TACC1: variants seen among roughly 807,000 people sequenced by gnomAD.
The protein encoded by TACC1 is transforming acidic coiled-coil-containing protein 1.
A neutral mutation model predicts 84.4 loss-of-function variants in TACC1; 48 were observed. The ratio of observed to expected loss-of-function variants is 0.57; its 90% CI spans 0.45 to 0.72. TACC1 has a LOEUF of 0.72. Among genes scored for constraint, TACC1 ranks in the 30% least tolerant of loss-of-function variants. The pLI is 0.00. For missense variants in TACC1, 920 were observed against 973.0 expected (o/e 0.95, Z 0.72); for synonymous variants, 372 against 376.3 (o/e 0.99, Z 0.13).
intron 2 of TACC1, among the ~76,000 whole-genome samples, chr8:38,795,400 A>G (rs1819735064): frequency 6.6e-6 from 1 of 152,234 alleles, no homozygotes; most frequent in African/African-American, 2.4e-5. Context: ...AGCATCGAAT[A>G]AAGCAGTAGA....
chr8:38,733,606 A>G (rs1259399275), intron 1 of TACC1, among the ~76,000 whole-genome samples: 2 of 152,092 alleles, frequency 1.3e-5, no homozygotes, highest in Non-Finnish European at 2.9e-5. Context: ...CTGAATTTTC[A>G]GAACAATTCC....
At chr8:38,826,589 T>C (rs905511649) in intron 4 of TACC1, among the ~76,000 whole-genome samples, 2 of 152,170 alleles carry the variant, frequency 1.3e-5, no homozygotes, top group Admixed American at 6.5e-5. Context: ...ACCATGCAGA[T>C]GTTTTTCATT....
At chr8:38,834,264 A>G (rs1017158133) in intron 6 of TACC1, among the ~76,000 whole-genome samples, 1 of 152,222 alleles carries the variant, frequency 6.6e-6, no homozygotes, top group African/African-American at 2.4e-5. Flanking sequence ...TCGGGTCCCC[A>G]CTGGCTATTG....
rs1264438886 is a variant in TACC1 at position 38,840,252 on chromosome 8, A to G, written c.1945A>G (p.Ile649Val). The change falls in exon 9 of 13, where the codon ATT becomes GTT. Residue 649 changes from isoleucine to valine, a missense_variant. Coordinates refer to ENST00000317827, the MANE Select transcript of TACC1 (RefSeq NM_006283.3). ...RKIVAEYEKT[I>V]AQMIEDEQRT... Reference sequence around the variant, plus strand: ...AATTGTAGCTGAATATGAAAAGACTATTGCTCAAATGATTGGTAAGGAGAA... The same window carrying G: ...AATTGTAGCTGAATATGAAAAGACTGTTGCTCAAATGATTGGTAAGGAGAA... 11 of 1,612,874 alleles carry G rather than the reference A, an allele frequency of 6.8e-6. No individual in the cohort carries two copies. Among genetic ancestry groups the G allele is most frequent in the Admixed American group, 1.7e-5 (1 of 59,884 alleles).
chr8:38,768,496 G>A (rs574993949), intron 3 of TACC1, among the ~76,000 whole-genome samples: 5 of 152,280 alleles, frequency 3.3e-5, no homozygotes, highest in African/African-American at 7.2e-5. Context: ...TGCGGCTTCC[G>A]GCTGGTGAAG....
chr8:38,758,051 GGC>G (rs1310935162), intron 3 of TACC1, among the ~76,000 whole-genome samples: 1 of 152,046 alleles, frequency 6.6e-6, no homozygotes, highest in Non-Finnish European at 1.5e-5. Flanking sequence ...TTTGAAAGAT[GGC>G]CAATGCTTAT....
At position 38,827,392 on chromosome 8, in the gene TACC1, T is replaced by G; in HGVS notation, c.1660+17T>G. The G allele has an allele frequency of 8.1e-6, 13 of 1,612,362 alleles. No individual in the cohort carries two copies. The highest frequency in any genetic ancestry group is 1.1e-5 in the Non-Finnish European group (13 of 1,178,330). On this transcript the variant is annotated intron_variant, in intron 5 of 12. Transcript: ENST00000317827. Reference sequence around the variant, plus strand: ...CAGAAGCAGGTATGGAAGCATATCTTCATCTTTCTAATGTACATAAGCATG... The same window carrying G: ...CAGAAGCAGGTATGGAAGCATATCTGCATCTTTCTAATGTACATAAGCATG...
chr8:38,735,000 G>A (rs868393225), intron 1 of TACC1, among the ~76,000 whole-genome samples: 38 of 152,338 alleles, frequency 2.5e-4, no homozygotes, highest in African/African-American at 8.7e-4. Flanking sequence ...TCCTTGGAGT[G>A]GCTGGATTTC....
Position 38,738,930 on chromosome 8 carries a change from G to A in TACC1, c.-674-3421G>A, listed in dbSNP as rs570570965. On this transcript the variant is annotated intron_variant, in intron 1 of 14. Coordinates refer to the TACC1 transcript ENST00000518415. The stretch of plus-strand genomic sequence containing the variant: ...TTTGAGACTGAGCTCACACTCTGTC[G>A]CCCAAGCTGGAGTGCAGTGGCACAA... Among the ~76,000 whole-genome samples the A allele has an allele frequency of 1.4e-4, 21 of 152,066 alleles. 1 individual carries two copies. In the South Asian group the frequency reaches 1.7e-3, roughly 12 times the overall value.
At chr8:38,812,715 C>T (rs1418078261) in intron 2 of TACC1, among the ~76,000 whole-genome samples, 1 of 152,224 alleles carries the variant, frequency 6.6e-6, no homozygotes, top group Non-Finnish European at 1.5e-5. Context: ...CTTGACAAGG[C>T]CTGCAAGGCT....
chr8:38,746,196 G>GA (rs1274822535), intron 3 of TACC1, among the ~76,000 whole-genome samples: 1 of 151,986 alleles, frequency 6.6e-6, no homozygotes, highest in Non-Finnish European at 1.5e-5. Flanking sequence ...TAAAAATTAA[G>GA]AAAAAAAGCT....
upstream of TACC1, among the ~76,000 whole-genome samples, chr8:38,783,100 ATCTATC>A (rs372564202): frequency 0.049 from 5,109 of 104,608 alleles, 86 homozygotes; most frequent in East Asian, 0.12. Context: ...CTATCTATCT[ATCTATC>A]TATATATATA....
intron 2 of TACC1, among the ~76,000 whole-genome samples, chr8:38,800,072 G>A (rs1238808529): frequency 6.6e-6 from 1 of 152,162 alleles, no homozygotes; most frequent in Non-Finnish European, 1.5e-5. Flanking sequence ...AAGGTGGGAG[G>A]ATCACTTGAG....
At chr8:38,810,946 G>A (rs555616495) in intron 2 of TACC1, among the ~76,000 whole-genome samples, 5 of 152,078 alleles carry the variant, frequency 3.3e-5, no homozygotes, top group Admixed American at 6.5e-5. Context: ...GTGCGACCCC[G>A]CCATCTGTAC....
intron 2 of TACC1, among the ~76,000 whole-genome samples, chr8:38,795,822 A>G (rs180705366): frequency 2.2e-4 from 34 of 152,294 alleles, no homozygotes; most frequent in Admixed American, 1.0e-3. Flanking sequence ...TACATGACCT[A>G]ATTTTATGAG....
At chr8:38,801,692 G>C (rs1376201480) in intron 2 of TACC1, among the ~76,000 whole-genome samples, 1 of 152,068 alleles carries the variant, frequency 6.6e-6, no homozygotes, top group Non-Finnish European at 1.5e-5. Flanking sequence ...GATTGTTTTA[G>C]CTATTCTGAG....
chr8:38,810,449 T>C (rs1315972842), intron 2 of TACC1, among the ~76,000 whole-genome samples: 1 of 151,884 alleles, frequency 6.6e-6, no homozygotes. Flanking sequence ...AATTCTTTTT[T>C]TTAATTAGCT....
chr8:38,760,019 T>C (rs1216846853), intron 3 of TACC1, among the ~76,000 whole-genome samples: 4 of 151,568 alleles, frequency 2.6e-5, no homozygotes, highest in Non-Finnish European at 5.9e-5. Flanking sequence ...CTTTTCAAAA[T>C]CTATTGTTCT....
chr8:38,783,106 C>CTA (rs72048692), upstream of TACC1, among the ~76,000 whole-genome samples: 783 of 87,386 alleles, frequency 9.0e-3, 7 homozygotes, highest in Middle Eastern at 0.02. Context: ...ATCTATCTAT[C>CTA]TATATATATA....
Sources: gnomAD v4.1 joint callset for allele counts (sites outside exome capture counted in the v4.1 genomes callset) on GRCh38, gnomAD v4.1.1 for gene constraint, MANE v1.5 for transcripts, NCBI Gene and HGNC (gene_info 2026-07-23, HGNC 2026-07-21) for gene names.